Variants in MDGA2 observed in about 807,000 individuals in gnomAD.
The protein encoded by MDGA2 is MAM domain-containing glycosylphosphatidylinositol anchor protein 2.
MDGA2 carries 40 observed loss-of-function variants against 117.8 expected under a neutral mutation model. The ratio of observed to expected loss-of-function variants is 0.34; its 90% CI spans 0.26 to 0.44. MDGA2 has a LOEUF of 0.44. Ranked by LOEUF, MDGA2 falls within the 20% of genes least tolerant of loss-of-function variation. The pLI, the probability that MDGA2 is intolerant of heterozygous loss-of-function variation, is 1.00. For synonymous variants in MDGA2, 452 were observed against 439.0 expected (o/e 1.03, Z -0.37); for missense variants, 1,123 against 1,250.6 (o/e 0.90, Z 1.54).
intron 3 of MDGA2, among the ~76,000 whole-genome samples, chr14:47,179,235 CA>C (rs972418773): frequency 6.6e-6 from 1 of 151,974 alleles, no homozygotes; most frequent in Non-Finnish European, 1.5e-5. Context: ...GGAGCCGAAT[CA>C]ACAGCACTCA....
At chr14:46,992,250 A>G (rs1028763486) in intron 8 of MDGA2, among the ~76,000 whole-genome samples, 1 of 152,174 alleles carries the variant, frequency 6.6e-6, no homozygotes, top group Admixed American at 6.6e-5. Flanking sequence ...CTAATTTGGA[A>G]TTTTAAATTT....
At chr14:47,172,740 G>A (rs929507244) in intron 3 of MDGA2, among the ~76,000 whole-genome samples, 1 of 152,176 alleles carries the variant, frequency 6.6e-6, no homozygotes, top group Non-Finnish European at 1.5e-5. Flanking sequence ...AAAGCAGAGC[G>A]CCTCTCCTCC....
At chr14:47,086,110 T>TG (rs1191235333) in intron 6 of MDGA2, among the ~76,000 whole-genome samples, 153 of 131,110 alleles carry the variant, frequency 1.2e-3, no homozygotes, top group African/African-American at 3.6e-3. Flanking sequence ...TTTTTTTGTT[T>TG]TTTGTTTTTT....
intron 1 of MDGA2, among the ~76,000 whole-genome samples, chr14:47,420,830 T>TTAA (rs10656098): frequency 0.63 from 95,495 of 150,440 alleles, 30,432 homozygotes; most frequent in South Asian, 0.74. Context: ...AAAGAGTAAG[T>TTAA]TAATAATAAT....
At position 47,458,996 on chromosome 14, in the gene MDGA2, G is replaced by C. The variant is rs540053465; in HGVS notation, c.281-157446C>G. Among the ~76,000 whole-genome samples, 4 of 150,770 alleles carry C rather than the reference G, an allele frequency of 2.7e-5. No individual in the cohort carries two copies. The South Asian group carries it at 6.4e-4, about 24-fold the overall frequency. On this transcript the variant is annotated intron_variant, in intron 1 of 16. Transcript: ENST00000399232. Reference sequence around the variant, plus strand: ...CTGCCCTTCAATAGTTCTTTAACTAGGGAGAGAAGTATTTATGTCCTAGTG... The same window carrying C: ...CTGCCCTTCAATAGTTCTTTAACTACGGAGAGAAGTATTTATGTCCTAGTG...
intron 1 of MDGA2, among the ~76,000 whole-genome samples, chr14:47,470,673 T>C (rs139964605): frequency 0.014 from 2,083 of 152,240 alleles, 41 homozygotes; most frequent in East Asian, 0.1. Flanking sequence ...TAGTTCTAGA[T>C]CCTTGAGGAA....
intron 12 of MDGA2, among the ~76,000 whole-genome samples, chr14:46,874,464 C>T (rs1283843926): frequency 6.6e-6 from 1 of 151,656 alleles, no homozygotes; most frequent in Non-Finnish European, 1.5e-5. Context: ...ATCCAGATAA[C>T]TGAAATTAAA....
chr14:47,178,340 G>A (rs1226127624), intron 3 of MDGA2, among the ~76,000 whole-genome samples: 1 of 152,050 alleles, frequency 6.6e-6, no homozygotes, highest in Non-Finnish European at 1.5e-5. Flanking sequence ...CTACTCGGTC[G>A]AGGGCCACAA....
chr14:46,941,779 A>C (rs1954235), intron 9 of MDGA2, among the ~76,000 whole-genome samples: 3 of 152,188 alleles, frequency 2.0e-5, no homozygotes, highest in Non-Finnish European at 4.4e-5. Context: ...GTGTCAGTAC[A>C]TATTAGAAAG....
intron 1 of MDGA2, among the ~76,000 whole-genome samples, chr14:47,367,474 T>C (rs2138383457): frequency 6.6e-6 from 1 of 152,332 alleles, no homozygotes; most frequent in East Asian, 1.9e-4. Flanking sequence ...TATTTTCCTA[T>C]AAAGTAATAA....
At chr14:47,071,681 AG>A (rs1890287756) in intron 6 of MDGA2, among the ~76,000 whole-genome samples, 1 of 152,126 alleles carries the variant, frequency 6.6e-6, no homozygotes, top group Admixed American at 6.5e-5. Context: ...TACTCTTTAC[AG>A]GAAGAAAGGC....
intron 2 of MDGA2, among the ~76,000 whole-genome samples, chr14:47,237,231 T>C (rs1239254066): frequency 6.6e-6 from 1 of 152,110 alleles, no homozygotes; most frequent in Non-Finnish European, 1.5e-5. Context: ...TAAAACACCT[T>C]AGTTCCCTGA....
intron 1 of MDGA2, among the ~76,000 whole-genome samples, chr14:47,556,324 C>CTCTCCAGACATCTGCAAAAG (rs1895682574): frequency 6.6e-6 from 1 of 152,216 alleles, no homozygotes; most frequent in South Asian, 2.1e-4. Flanking sequence ...CTCTTCAATT[C>CTCTCCAGACATCTGCAAAAG]TCTCCAGACA....
chr14:47,358,897 A>T (rs1476714519), intron 1 of MDGA2, among the ~76,000 whole-genome samples: 1 of 152,230 alleles, frequency 6.6e-6, no homozygotes, highest in African/African-American at 2.4e-5. Flanking sequence ...CTAAAGTGGT[A>T]TACAGATTCA....
At chr14:47,005,524 G>T (rs1887679394) in intron 8 of MDGA2, among the ~76,000 whole-genome samples, 1 of 151,376 alleles carries the variant, frequency 6.6e-6, no homozygotes, top group South Asian at 2.1e-4. Context: ...GTTTTGTTTA[G>T]AATTTTCATG....
At chr14:47,545,713 G>C (rs1459424922) in intron 1 of MDGA2, among the ~76,000 whole-genome samples, 1 of 151,852 alleles carries the variant, frequency 6.6e-6, no homozygotes, top group African/African-American at 2.4e-5. Flanking sequence ...AAGCTGCTTG[G>C]ATTCTAACAT....
At chr14:47,372,454 G>T (rs1399723294) in intron 1 of MDGA2, among the ~76,000 whole-genome samples, 1 of 151,842 alleles carries the variant, frequency 6.6e-6, no homozygotes, top group African/African-American at 2.4e-5. Flanking sequence ...AATTTAAATT[G>T]CTAATCAACA....
intron 1 of MDGA2, among the ~76,000 whole-genome samples, chr14:47,536,237 A>C (rs1235554447): frequency 6.6e-6 from 1 of 152,196 alleles, no homozygotes; most frequent in Non-Finnish European, 1.5e-5. Context: ...CAGTCAAGCA[A>C]ATACAAATTA....
intron 1 of MDGA2, among the ~76,000 whole-genome samples, chr14:47,610,107 T>C (rs899903990): frequency 6.6e-6 from 1 of 152,010 alleles, no homozygotes. Context: ...AAGCATTCCA[T>C]AAAATCCAGC....
Sources: allele counts gnomAD v4.1 joint callset (sites outside exome capture counted in the v4.1 genomes callset), GRCh38; gene constraint gnomAD v4.1.1; transcripts MANE v1.5; gene names NCBI Gene and HGNC (gene_info 2026-07-23, HGNC 2026-07-21).